The following MYOF variants were observed in gnomAD, a reference collection of about 807,000 sequenced individuals.
MYOF encodes the protein myoferlin.
A neutral mutation model predicts 284.2 loss-of-function variants in MYOF; 244 were observed. The ratio of observed to expected loss-of-function variants is 0.86; its 90% CI spans 0.77 to 0.95. The LOEUF is 0.95. Among genes scored for constraint, MYOF ranks in the 40% least tolerant of loss-of-function variants. The pLI is 0.00. For synonymous variants in MYOF, 904 were observed against 919.7 expected, an observed-to-expected ratio of 0.98 and a Z score of 0.31; for missense variants, 2,496 against 2,560.6, an observed-to-expected ratio of 0.97 and a Z score of 0.54.
chr10:93,365,204 A>G (rs1345463824), intron 26 of MYOF, among the ~76,000 whole-genome samples: 1 of 152,234 alleles, frequency 6.6e-6, no homozygotes, highest in Non-Finnish European at 1.5e-5. Flanking sequence ...CTATGCAATT[A>G]CAGGAAATGA....
intron 1 of MYOF, chr10:93,478,384 C>T (rs41300209): frequency 0.012 from 1,921 of 165,856 alleles, 19 homozygotes; most frequent in Middle Eastern, 0.021. Flanking sequence ...CTGGTGTACC[C>T]GAAGGATATG....
chr10:93,357,728 T>A (rs906642256), intron 29 of MYOF, among the ~76,000 whole-genome samples: 4 of 152,158 alleles, frequency 2.6e-5, no homozygotes, highest in African/African-American at 9.7e-5. Context: ...TCTAGTAACA[T>A]AAATAGTAGC....
At chr10:93,435,643 T>G (rs1462675821) in intron 3 of MYOF, among the ~76,000 whole-genome samples, 1 of 152,208 alleles carries the variant, frequency 6.6e-6, no homozygotes, top group Non-Finnish European at 1.5e-5. Context: ...TATATATGTC[T>G]ACAGGAAACT....
Position 93,319,886 on chromosome 10 carries a change from TAC to T in MYOF, c.5582_5583del (p.Cys1861TyrfsTer12), listed in dbSNP as rs757547633. On this transcript the variant is annotated frameshift_variant, in exon 49 of 54. Transcript: ENST00000359263. LOFTEE classifies it high-confidence loss of function. ...TCAGAGCTCACTTTTTTCGCAACGA[TAC>T]AGAGTTGTTCGGCTGGAAGGTAGTC... ...PFDYLPAEQL[C>X]IVAKKEHFWS... 14 of 1,613,972 alleles carry T rather than the reference TAC, an allele frequency of 8.7e-6. No homozygotes were observed. The highest frequency in any genetic ancestry group is 1.1e-5 in the Non-Finnish European group (13 of 1,180,024).
At chr10:93,351,951 G>T in intron 32 of MYOF, 105 bp from the exon 33 acceptor site, 1 of 1,079,156 alleles carries the variant, frequency 9.3e-7, no homozygotes, top group South Asian at 1.7e-5. Context: ...ATGACAGTGG[G>T]CTCTGACCAC....
intron 3 of MYOF, among the ~76,000 whole-genome samples, chr10:93,440,902 G>A (rs1019552907): frequency 6.6e-6 from 1 of 152,196 alleles, no homozygotes; most frequent in African/African-American, 2.4e-5. Context: ...GATTGCAGCA[G>A]CTACTTAATC....
intron 1 of MYOF, among the ~76,000 whole-genome samples, chr10:93,480,957 G>C (rs2057373430): frequency 6.6e-6 from 1 of 152,150 alleles, no homozygotes; most frequent in South Asian, 2.1e-4. Context: ...GGCATGGTCA[G>C]GAAACACATG....
At chr10:93,312,113 G>T (rs1037523622) in intron 51 of MYOF, among the ~76,000 whole-genome samples, 2 of 152,182 alleles carry the variant, frequency 1.3e-5, no homozygotes, top group African/African-American at 4.8e-5. Flanking sequence ...TTTTTAAAAA[G>T]ATTATGAATG....
At chr10:93,427,121 C>T (rs935850599) in intron 4 of MYOF, among the ~76,000 whole-genome samples, 3 of 150,928 alleles carry the variant, frequency 2.0e-5, no homozygotes, top group African/African-American at 4.9e-5. Flanking sequence ...CTCCTGACCA[C>T]GTGATCTGCC....
In MYOF at chr10:93,332,689, CA is replaced by C. The variant is rs756133027; in HGVS notation, c.4811+531del. On this transcript the variant is annotated intron_variant, in intron 43 of 53. Coordinates refer to ENST00000359263, the MANE Select transcript of MYOF (RefSeq NM_013451.4). ...TGAAACCCCGTCTCTACTAAAAATACAAAAAAAATTAGCCGGGCGTGGTGGC... is the reference window on the plus strand; with the variant it reads ...TGAAACCCCGTCTCTACTAAAAATACAAAAAAATTAGCCGGGCGTGGTGGC... 3.3e-5 allele frequency among the ~76,000 whole-genome samples: 5 copies of C among 151,274 alleles called. No homozygotes were observed. The East Asian group carries it at 9.9e-4, about 30-fold the overall frequency.
chr10:93,321,504 G>A (rs996027710), intron 48 of MYOF, among the ~76,000 whole-genome samples: 3 of 142,910 alleles, frequency 2.1e-5, no homozygotes, highest in Non-Finnish European at 4.5e-5. Flanking sequence ...TGATCCTCCT[G>A]CCTCAGACTT....
intron 5 of MYOF, among the ~76,000 whole-genome samples, chr10:93,416,402 T>C (rs1008790081): frequency 2.0e-5 from 3 of 151,786 alleles, no homozygotes; most frequent in African/African-American, 7.3e-5. Context: ...CAGGCGCCTG[T>C]AATCCCAGCT....
chr10:93,321,412 C>CTTT (rs35765868), intron 48 of MYOF, among the ~76,000 whole-genome samples: 1,936 of 121,082 alleles, frequency 0.016, 57 homozygotes, highest in African/African-American at 0.05. Flanking sequence ...GACTATTAAC[C>CTTT]TTTTTTTTTT....
In MYOF at chr10:93,430,530, C is replaced by T. The variant is rs147219929; in HGVS notation, c.345+878G>A. On this transcript the variant is annotated intron_variant, in intron 4 of 53. Transcript: ENST00000359263. ...CCAGGAGGCAGAGGTTGCAGTGAGC[C>T]GAGATCATGCCACTGCCCTCCAGCC... Among the ~76,000 whole-genome samples, 25 of 148,526 alleles carry T rather than the reference C, an allele frequency of 1.7e-4. No individual in the cohort carries two copies. The East Asian group carries it at 4.2e-3, about 25-fold the overall frequency.
chr10:93,337,564 AC>A (rs926669911), intron 40 of MYOF: 5 of 436,576 alleles, frequency 1.1e-5, no homozygotes, highest in Non-Finnish European at 2.0e-5. Context: ...CCCATTCCCA[AC>A]CATCTGCCAG....
chr10:93,342,009 A>G, intron 38 of MYOF: 2 of 1,264,566 alleles, frequency 1.6e-6, no homozygotes, highest in African/African-American at 1.5e-5. Flanking sequence ...CCATGTACAC[A>G]TGTCCATGTT....
Position 93,367,255 on chromosome 10 carries a change from G to T in MYOF, c.2590-700C>A, listed in dbSNP as rs74973315. ...AGTTAGAATCTATAAATCTATGACG[G>T]TCTGCTCTTCATCATGGCAACCATG... On this transcript the variant is annotated intron_variant, in intron 25 of 53. Coordinates refer to ENST00000359263, the MANE Select transcript of MYOF (RefSeq NM_013451.4). 5.6e-4 allele frequency among the ~76,000 whole-genome samples: 86 copies of T among 152,298 alleles called. No homozygotes were observed. The East Asian group carries it at 0.015, about 26-fold the overall frequency.
At chr10:93,444,512 A>T (rs1352395028) in intron 3 of MYOF, among the ~76,000 whole-genome samples, 1 of 152,216 alleles carries the variant, frequency 6.6e-6, no homozygotes, top group African/African-American at 2.4e-5. Context: ...TCCTTTTCCC[A>T]TTCTTACACT....
intron 53 of MYOF, 36 bp from the exon 54 acceptor site, chr10:93,307,037 G>T: frequency 6.4e-7 from 1 of 1,557,616 alleles, no homozygotes; most frequent in Non-Finnish European, 8.8e-7. Flanking sequence ...AAAAAAACAT[G>T]TATGTATATA....
Sources: gnomAD v4.1 joint callset for allele counts (sites outside exome capture counted in the v4.1 genomes callset) on GRCh38, gnomAD v4.1.1 for gene constraint, MANE v1.5 for transcripts, NCBI Gene and HGNC (gene_info 2026-07-23, HGNC 2026-07-21) for gene names.